The following MAP2K5 variants were observed in gnomAD, a reference collection of about 807,000 sequenced individuals.
MAP2K5 encodes the protein dual specificity mitogen-activated protein kinase kinase 5.
A neutral mutation model predicts 83.1 loss-of-function variants in MAP2K5; 49 were observed. That is an observed-to-expected ratio of 0.59 (90% confidence interval 0.47 to 0.75). The LOEUF is 0.75. Ranked by LOEUF, MAP2K5 falls within the 30% of genes least tolerant of loss-of-function variation. The pLI is 0.00. For missense variants in MAP2K5, 457 were observed against 557.5 expected (o/e 0.82, Z 1.82); for synonymous variants, 202 against 191.8 (o/e 1.05, Z -0.44).
intron 15 of MAP2K5, 146 bp from the exon 16 acceptor site, chr15:67,703,191 A>G (rs1483088731): frequency 3.3e-6 from 2 of 604,500 alleles, no homozygotes; most frequent in Admixed American, 2.8e-5. Flanking sequence ...ACAAATACAT[A>G]TATACACACA....
chr15:67,556,372 A>G (rs1212670599), intron 2 of MAP2K5, among the ~76,000 whole-genome samples: 1 of 152,106 alleles, frequency 6.6e-6, no homozygotes, highest in Non-Finnish European at 1.5e-5. Context: ...AAGGTCTTCT[A>G]CAGTCCAGGA....
chr15:67,735,164 T>A (rs1486398612), intron 17 of MAP2K5, among the ~76,000 whole-genome samples: 2 of 152,222 alleles, frequency 1.3e-5, no homozygotes, highest in Non-Finnish European at 2.9e-5. Context: ...TGTGTACTTA[T>A]CAAGAAGTCT....
intron 9 of MAP2K5, among the ~76,000 whole-genome samples, chr15:67,643,841 T>G (rs2086772995): frequency 6.6e-6 from 1 of 152,192 alleles, no homozygotes; most frequent in Non-Finnish European, 1.5e-5. Flanking sequence ...CTATAAAATG[T>G]ACTTTAGAAT....
In MAP2K5 at chr15:67,748,057, G is replaced by A. The variant is rs1441262010; in HGVS notation, c.1075-174G>A. On this transcript the variant is annotated intron_variant, in intron 17 of 21. Coordinates refer to ENST00000178640, the MANE Select transcript of MAP2K5 (RefSeq NM_145160.3). The surrounding 1 kb of genome is among the most constrained non-coding windows in gnomAD (Gnocchi z 4.0). ...TGAAATTAACATTCTGCTGACTTTC[G>A]CCTATAAATGAGAAGCGAGCTATTA... is the stretch of plus-strand genomic sequence containing the variant. Among the ~76,000 whole-genome samples, 9 of 152,002 alleles carry A rather than the reference G, an allele frequency of 5.9e-5. No individual in the cohort carries two copies. Among genetic ancestry groups the A allele is most frequent in the Admixed American group, 2.6e-4 (4 of 15,260 alleles).
Position 67,724,384 on chromosome 15 carries a change from C to T in MAP2K5, c.1045-3532C>T, listed in dbSNP as rs2089042092. Among the ~76,000 whole-genome samples, 1 of 151,822 alleles carries T rather than the reference C, an allele frequency of 6.6e-6. No homozygotes were observed. Reference sequence around the variant, plus strand: ...TTGACAGCCTCGTGGAGAACTCGTTCTTTTTTATTTATTTATTTATTTATT... The same window carrying T: ...TTGACAGCCTCGTGGAGAACTCGTTTTTTTTTATTTATTTATTTATTTATT... On this transcript the variant is annotated intron_variant, in intron 16 of 21. Coordinates refer to ENST00000178640, the MANE Select transcript of MAP2K5 (RefSeq NM_145160.3). This position sits in a 1 kb window ranked among gnomAD's most constrained non-coding sequence, Gnocchi z 4.4.
In MAP2K5 at chr15:67,543,573, T is replaced by G. The variant is rs2084338120; in HGVS notation, c.135+103T>G. ...GACCTGAGCCAGTGGCAATGGCTAC[T>G]GCTGGCTTCCTGTGGAGGCAGTTTT... On this transcript the variant is annotated intron_variant, in intron 1 of 21. Coordinates refer to ENST00000178640, the MANE Select transcript of MAP2K5 (RefSeq NM_145160.3). This position sits in a 1 kb window ranked among gnomAD's most constrained non-coding sequence, Gnocchi z 4.3. 11 of 1,362,544 alleles carry G rather than the reference T, an allele frequency of 8.1e-6. No individual in the cohort carries two copies. The highest frequency in any genetic ancestry group is 7.2e-6 in the Non-Finnish European group (7 of 972,810). The allele number at this position is 1,362,544 out of a possible 1,614,324, so 84.4% of individuals were successfully genotyped here.
chr15:67,651,783 C>T (rs899141712), intron 11 of MAP2K5, among the ~76,000 whole-genome samples: 2 of 152,134 alleles, frequency 1.3e-5, no homozygotes, highest in African/African-American at 4.8e-5. Flanking sequence ...AGATTGATTT[C>T]ATATCTTGGC....
intron 15 of MAP2K5, among the ~76,000 whole-genome samples, chr15:67,700,763 C>T (rs1009873854): frequency 2.0e-5 from 3 of 151,980 alleles, no homozygotes; most frequent in East Asian, 3.9e-4. Context: ...TTGGCTTTTG[C>T]TGAAAATTTT....
chr15:67,591,260 G>A (rs1215147740), intron 6 of MAP2K5, among the ~76,000 whole-genome samples: 2 of 151,634 alleles, frequency 1.3e-5, no homozygotes, highest in Non-Finnish European at 1.5e-5. Context: ...CAGAAGAATC[G>A]CTTGAACCCA....
chr15:67,628,986 A>G (rs1246580394), intron 8 of MAP2K5: 5 of 759,600 alleles, frequency 6.6e-6, no homozygotes, highest in African/African-American at 3.4e-5. Context: ...TCAGTCTTCA[A>G]ATTTCAGACC....
intron 16 of MAP2K5, among the ~76,000 whole-genome samples, chr15:67,726,711 T>C (rs940044351): frequency 3.3e-5 from 5 of 152,184 alleles, no homozygotes; most frequent in Admixed American, 3.3e-4. Flanking sequence ...TCAGTGGGAC[T>C]CTGGGTTTTA....
intron 7 of MAP2K5, among the ~76,000 whole-genome samples, chr15:67,596,901 G>T (rs2085537461): frequency 6.6e-6 from 1 of 152,282 alleles, no homozygotes; most frequent in Non-Finnish European, 1.5e-5. Flanking sequence ...GCCGGGCATG[G>T]TGGCTCACGC....
At chr15:67,686,183 T>C (rs2087948208) in intron 13 of MAP2K5, among the ~76,000 whole-genome samples, 1 of 152,018 alleles carries the variant, frequency 6.6e-6, no homozygotes, top group Non-Finnish European at 1.5e-5. Flanking sequence ...GTCTAAACAG[T>C]CCAATTAAAA....
chr15:67,592,762 G>T (rs777889780), intron 6 of MAP2K5, among the ~76,000 whole-genome samples, 164 bp from the exon 7 acceptor site: 1 of 152,006 alleles, frequency 6.6e-6, no homozygotes, highest in Non-Finnish European at 1.5e-5. Context: ...GATACCTTTT[G>T]CATTTGGCCA....
In MAP2K5 at chr15:67,720,122, T is replaced by C. The variant is rs943007279; in HGVS notation, c.1045-7794T>C. ...TATTTATCAATTAGCTGCCTTATAC[T>C]TACTATGGCCTAGTTAAAATTGTAT... On this transcript the variant is annotated intron_variant, in intron 16 of 21. Coordinates refer to ENST00000178640, the MANE Select transcript of MAP2K5 (RefSeq NM_145160.3). The surrounding 1 kb of genome is among the most constrained non-coding windows in gnomAD (Gnocchi z 5.7). 2.0e-5 allele frequency among the ~76,000 whole-genome samples: 3 copies of C among 152,194 alleles called. No homozygotes were observed. The highest frequency in any genetic ancestry group is 1.5e-5 in the Non-Finnish European group (1 of 68,036).
At chr15:67,603,975 A>G (rs758747594) in intron 8 of MAP2K5, among the ~76,000 whole-genome samples, 1 of 152,260 alleles carries the variant, frequency 6.6e-6, no homozygotes, top group Non-Finnish European at 1.5e-5. Context: ...CAAAAGTTTA[A>G]TAATGCAGTC....
rs869154734 is a variant in MAP2K5, at chr15:67,686,642, T to TAATAAC, written c.848-5835_848-5834insTAACAA. 6.3e-3 allele frequency among the ~76,000 whole-genome samples: 793 copies of TAATAAC among 124,940 alleles called. 6 individuals are homozygous for TAATAAC. The highest frequency in any genetic ancestry group is 0.022 in the African/African-American group (763 of 33,996). The allele number at this position is 124,940 out of a possible 152,430, so 82.0% of individuals were successfully genotyped here. A position where few individuals can be genotyped will look rare whatever the true frequency, so the allele number is the denominator to read the frequency against. The stretch of plus-strand genomic sequence containing the variant: ...ATAATAATAATAATAATAATAATAA[T>TAATAAC]AACATGTTGTAGGGTTTATAATTTA... On this transcript the variant is annotated intron_variant, in intron 13 of 21. Transcript: ENST00000178640.
In MAP2K5 at chr15:67,748,677, A is replaced by G; in HGVS notation, c.1134+76A>G. On this transcript the variant is annotated intron_variant, in intron 19 of 21. Transcript: ENST00000178640. The surrounding 1 kb of genome is among the most constrained non-coding windows in gnomAD (Gnocchi z 4.0). The stretch of plus-strand genomic sequence containing the variant: ...TGGAAAGCTTATATTTTGTTTCCTA[A>G]TGAAGCACAATGCCCAACATCCTTG... 4.4e-6 allele frequency: 6 copies of G among 1,358,656 alleles called. No individual in the cohort carries two copies. Among genetic ancestry groups the G allele is most frequent in the Non-Finnish European group, 5.2e-6 (5 of 954,110 alleles). The allele number at this position is 1,358,656 out of a possible 1,614,324, so 84.2% of individuals were successfully genotyped here.
chr15:67,676,806 G>C lies in MAP2K5; in HGVS notation c.847+12161G>C, dbSNP rs567788445. 2.0e-5 allele frequency among the ~76,000 whole-genome samples: 3 copies of C among 152,098 alleles called. No homozygotes were observed. The highest frequency in any genetic ancestry group is 4.4e-5 in the Non-Finnish European group (3 of 68,018). On this transcript the variant is annotated intron_variant, in intron 13 of 21. Coordinates refer to ENST00000178640, the MANE Select transcript of MAP2K5 (RefSeq NM_145160.3). The surrounding 1 kb of genome is among the most constrained non-coding windows in gnomAD (Gnocchi z 4.8). ...TTGCTTAGTTATAGGAAAAGTCATAGGAAAAAGTCATAGGAAAGTGGTTGG... is the reference window on the plus strand; with the variant it reads ...TTGCTTAGTTATAGGAAAAGTCATACGAAAAAGTCATAGGAAAGTGGTTGG...
Sources: allele counts gnomAD v4.1 joint callset (sites outside exome capture counted in the v4.1 genomes callset), GRCh38; gene constraint gnomAD v4.1.1; non-coding constraint Gnocchi (gnomAD v3.1); transcripts MANE v1.5; gene names NCBI Gene and HGNC (gene_info 2026-07-23, HGNC 2026-07-21).